Variants in SPAG16 observed in about 807,000 individuals in gnomAD.
SPAG16 encodes sperm-associated antigen 16 protein.
SPAG16 carries 86 observed loss-of-function variants against 80.4 expected under a neutral mutation model. The ratio of observed to expected loss-of-function variants is 1.07; its 90% CI spans 0.90 to 1.28. The LOEUF (loss-of-function observed/expected upper bound fraction) is 1.28, where lower values mean the gene tolerates loss of function less well. Among genes scored for constraint, SPAG16 ranks in the 50% most tolerant of loss-of-function variants. The probability of loss-of-function intolerance (pLI) is 0.00; values close to 1 mark genes in which losing one functional copy is unlikely to be tolerated. For synonymous variants in SPAG16, 294 were observed against 265.9 expected (o/e 1.11, Z -1.03); for missense variants, 870 against 765.3 (o/e 1.14, Z -1.61).
At chr2:213,711,662 G>A (rs2125361469) in intron 10 of SPAG16, among the ~76,000 whole-genome samples, 1 of 151,738 alleles carries the variant, frequency 6.6e-6, no homozygotes, top group Non-Finnish European at 1.5e-5. Flanking sequence ...TGAGATTACA[G>A]GTGTGCACCA....
intron 9 of SPAG16, among the ~76,000 whole-genome samples, chr2:213,488,769 T>C (rs1403354015): frequency 6.6e-6 from 1 of 152,144 alleles, no homozygotes; most frequent in Non-Finnish European, 1.5e-5. Context: ...TATGTACTAC[T>C]TTGTTAATTA....
At chr2:213,588,574 G>A (rs1321948320) in intron 10 of SPAG16, among the ~76,000 whole-genome samples, 25 of 149,800 alleles carry the variant, frequency 1.7e-4, no homozygotes, top group South Asian at 2.1e-4. Flanking sequence ...AGGCCGAGGC[G>A]GGTGGATCAC....
intron 15 of SPAG16, among the ~76,000 whole-genome samples, chr2:214,382,561 A>AAGAT (rs1457810988): frequency 6.6e-6 from 1 of 152,186 alleles, no homozygotes; most frequent in African/African-American, 2.4e-5. Context: ...TGTGCTTGAA[A>AAGAT]AGATAATAGT....
At chr2:213,677,868 G>A (rs532268918) in intron 10 of SPAG16, among the ~76,000 whole-genome samples, 3 of 152,208 alleles carry the variant, frequency 2.0e-5, no homozygotes, top group African/African-American at 7.2e-5. Context: ...ATAGTTGGAA[G>A]TAAAGCTCTC....
chr2:213,894,397 T>C (rs1042047463), intron 11 of SPAG16, among the ~76,000 whole-genome samples: 2 of 152,154 alleles, frequency 1.3e-5, no homozygotes, highest in Middle Eastern at 3.2e-3. Flanking sequence ...TAAATCACTT[T>C]ATAATGAAAA....
At chr2:213,720,911 A>G (rs548218311) in intron 10 of SPAG16, among the ~76,000 whole-genome samples, 1 of 150,874 alleles carries the variant, frequency 6.6e-6, no homozygotes, top group African/African-American at 2.4e-5. Context: ...ACGCCCGGCT[A>G]ATTTTTTTGT....
chr2:214,054,524 C>A (rs2125146564), intron 13 of SPAG16, among the ~76,000 whole-genome samples: 1 of 152,220 alleles, frequency 6.6e-6, no homozygotes, highest in East Asian at 1.9e-4. Flanking sequence ...CAATATATTT[C>A]TGAGGCCTAA....
chr2:214,383,671 G>T (rs556947983), intron 15 of SPAG16, among the ~76,000 whole-genome samples: 1 of 152,026 alleles, frequency 6.6e-6, no homozygotes, highest in Admixed American at 6.6e-5. Context: ...AGACCATTCC[G>T]GCCAGACAGA....
chr2:213,665,446 A>T (rs2125197914), intron 10 of SPAG16, among the ~76,000 whole-genome samples: 1 of 152,242 alleles, frequency 6.6e-6, no homozygotes, highest in South Asian at 2.1e-4. Context: ...TTCCCTATTA[A>T]GGGACAAGGA....
chr2:214,224,994 A>C (rs941907514), intron 15 of SPAG16, among the ~76,000 whole-genome samples: 1 of 152,184 alleles, frequency 6.6e-6, no homozygotes, highest in African/African-American at 2.4e-5. Context: ...GATTGCTAAC[A>C]GAGGGAGGAA....
intron 9 of SPAG16, among the ~76,000 whole-genome samples, chr2:213,383,454 T>A (rs370670498): frequency 5.8e-4 from 89 of 152,280 alleles, no homozygotes; most frequent in African/African-American, 2.0e-3. Flanking sequence ...AAGTTGTTCA[T>A]TTGTTTTGAA....
chr2:214,054,040 C>T (rs934359522), intron 13 of SPAG16, among the ~76,000 whole-genome samples: 8 of 152,130 alleles, frequency 5.3e-5, no homozygotes, highest in East Asian at 1.9e-4. Context: ...TTGCCCTGTA[C>T]GGAGCCTCCC....
chr2:213,781,282 A>T (rs934556795), intron 10 of SPAG16, among the ~76,000 whole-genome samples: 1 of 152,230 alleles, frequency 6.6e-6, no homozygotes, highest in Non-Finnish European at 1.5e-5. Context: ...GGGAAAAACT[A>T]TGAAAACTTA....
At chr2:214,213,042 G>T (rs1876837) in intron 15 of SPAG16, among the ~76,000 whole-genome samples, 143,690 of 152,322 alleles carry the variant, frequency 0.94, 68,162 homozygotes, top group Non-Finnish European at 1. Flanking sequence ...GTGTATTCCC[G>T]TCATCTGCTG....
rs1335172295 is a variant in SPAG16 at position 213,560,873 on chromosome 2, T to C, written c.1070+70783T>C. 3.9e-5 allele frequency among the ~76,000 whole-genome samples: 6 copies of C among 152,204 alleles called. 1 individual carries two copies. The highest frequency in any genetic ancestry group is 3.9e-4 in the Admixed American group (6 of 15,278). On this transcript the variant is annotated intron_variant, in intron 10 of 15. Coordinates refer to ENST00000331683, the MANE Select transcript of SPAG16 (RefSeq NM_024532.5). ...ACGAAGTTAGCAACCATTAACTTTTTTTGTGGGGGAGATGGAGTCTTGCTC... is the reference window on the plus strand; with the variant it reads ...ACGAAGTTAGCAACCATTAACTTTTCTTGTGGGGGAGATGGAGTCTTGCTC...
rs183685398 is a variant in SPAG16 at position 213,636,951 on chromosome 2, C to T, written c.1070+146861C>T. On this transcript the variant is annotated intron_variant, in intron 10 of 15. Coordinates refer to ENST00000331683, the MANE Select transcript of SPAG16 (RefSeq NM_024532.5). ...CAATTTGGTTGCCCTTTATTTCTTT[C>T]TTCTGTCTCATTGCTCTAGCCAGGA... 9.5e-4 allele frequency among the ~76,000 whole-genome samples: 145 copies of T among 152,232 alleles called. 2 individuals are homozygous for T. The highest frequency in any genetic ancestry group is 8.3e-3 in the Admixed American group (127 of 15,282).
At chr2:213,637,903 C>A (rs762189424) in intron 10 of SPAG16, among the ~76,000 whole-genome samples, 3 of 152,062 alleles carry the variant, frequency 2.0e-5, no homozygotes, top group Admixed American at 6.6e-5. Flanking sequence ...ACTACAGGCA[C>A]CTGCCACCAC....
chr2:214,298,728 G>C (rs961323295), intron 15 of SPAG16, among the ~76,000 whole-genome samples: 3 of 152,092 alleles, frequency 2.0e-5, no homozygotes, highest in Non-Finnish European at 2.9e-5. Context: ...ATTTTATAAA[G>C]TGTTCTTGGG....
At chr2:213,882,901 C>T (rs899921049) in intron 11 of SPAG16, among the ~76,000 whole-genome samples, 5 of 152,020 alleles carry the variant, frequency 3.3e-5, no homozygotes, top group African/African-American at 9.7e-5. Flanking sequence ...GACGGAGTCT[C>T]GCTCCTCTTC....
Sources: allele counts gnomAD v4.1 joint callset (sites outside exome capture counted in the v4.1 genomes callset), GRCh38; gene constraint gnomAD v4.1.1; transcripts MANE v1.5; gene names NCBI Gene and HGNC (gene_info 2026-07-23, HGNC 2026-07-21).